The following NXPE4 variants were observed in gnomAD, a reference collection of about 807,000 sequenced individuals.
NXPE4 encodes neurexophilin and PC-esterase domain family member 4.
A neutral mutation model predicts 33.3 loss-of-function variants in NXPE4; 42 were observed. The ratio of observed to expected loss-of-function variants is 1.26; its 90% CI spans 0.98 to 1.63. The LOEUF is 1.63. Ranked by LOEUF, NXPE4 falls within the 40% of genes most tolerant of loss-of-function variation. The pLI, the probability that NXPE4 is intolerant of heterozygous loss-of-function variation, is 0.00. For synonymous variants in NXPE4, 253 were observed against 234.9 expected, an observed-to-expected ratio of 1.08 and a Z score of -0.71; for missense variants, 709 against 647.6, an observed-to-expected ratio of 1.09 and a Z score of -1.03.
chr11:114,633,299 G>T, the NXPE4 span, among the ~76,000 whole-genome samples: 1 of 136,532 alleles, frequency 7.3e-6, no homozygotes. Flanking sequence ...AAATTCTAAT[G>T]TAATAAAATA....
At chr11:114,624,661 C>A in the NXPE4 span, among the ~76,000 whole-genome samples, 1 of 151,934 alleles carries the variant, frequency 6.6e-6, no homozygotes, top group African/African-American at 2.4e-5. Context: ...TTGTGGGTAA[C>A]CATGGTTACC....
At chr11:114,648,318 C>G in the NXPE4 span, among the ~76,000 whole-genome samples, 20 of 152,038 alleles carry the variant, frequency 1.3e-4, no homozygotes, top group African/African-American at 4.8e-4. Flanking sequence ...GTTGAAGGTC[C>G]AGGAAGAGCC....
chr11:114,638,778 G>A, the NXPE4 span, among the ~76,000 whole-genome samples: 8 of 151,910 alleles, frequency 5.3e-5, no homozygotes, highest in South Asian at 2.1e-4. Flanking sequence ...GCAGAACAGC[G>A]GATTTTCGTG....
the NXPE4 span, among the ~76,000 whole-genome samples, chr11:114,631,106 G>A: frequency 6.6e-6 from 1 of 152,104 alleles, no homozygotes; most frequent in South Asian, 2.1e-4. Flanking sequence ...CATTGTGGAA[G>A]TCAGTGTGGC....
the NXPE4 span, among the ~76,000 whole-genome samples, chr11:114,665,243 T>G: frequency 6.6e-6 from 1 of 152,190 alleles, no homozygotes; most frequent in African/African-American, 2.4e-5. Context: ...TTCTAGTCTC[T>G]AAAATATTCT....
chr11:114,582,178 C>G (rs1429428359), intron 3 of NXPE4, 110 bp downstream of exon 3: 1 of 1,178,684 alleles, frequency 8.5e-7, no homozygotes, highest in South Asian at 1.7e-5. Flanking sequence ...CCCAAAGGCT[C>G]TTACTAAAGA....
At chr11:114,617,647 T>C in the NXPE4 span, among the ~76,000 whole-genome samples, 233 of 152,220 alleles carry the variant, frequency 1.5e-3, no homozygotes, top group African/African-American at 5.2e-3. Context: ...GGATAATAAG[T>C]GTTGCCTCTA....
At chr11:114,644,726 C>T in the NXPE4 span, among the ~76,000 whole-genome samples, 4 of 151,700 alleles carry the variant, frequency 2.6e-5, no homozygotes, top group South Asian at 6.2e-4. Context: ...TCTCTATAAG[C>T]TGATTCTAAA....
At chr11:114,651,791 C>A in the NXPE4 span, among the ~76,000 whole-genome samples, 6 of 152,170 alleles carry the variant, frequency 3.9e-5, no homozygotes, top group African/African-American at 1.4e-4. Context: ...AAACCTTTAG[C>A]TAGACACAGA....
chr11:114,582,147 A>G, intron 3 of NXPE4, 141 bp downstream of exon 3: 3 of 881,004 alleles, frequency 3.4e-6, no homozygotes, highest in Non-Finnish European at 5.1e-6. Context: ...ACTGTCTCTA[A>G]ATGAATTCAC....
chr11:114,627,784 G>T, the NXPE4 span, among the ~76,000 whole-genome samples: 5 of 151,932 alleles, frequency 3.3e-5, no homozygotes, highest in African/African-American at 1.2e-4. Context: ...CATCTCACAG[G>T]CAGAGACACA....
the NXPE4 span, among the ~76,000 whole-genome samples, chr11:114,631,236 C>A: frequency 6.6e-6 from 1 of 151,410 alleles, no homozygotes; most frequent in Non-Finnish European, 1.5e-5. Flanking sequence ...ATGTTTATTG[C>A]GGCATTATTC....
the NXPE4 span, among the ~76,000 whole-genome samples, chr11:114,621,774 T>C: frequency 6.6e-6 from 1 of 152,162 alleles, no homozygotes; most frequent in Non-Finnish European, 1.5e-5. Context: ...GCCTCATGGG[T>C]AACCACTGTT....
At position 114,571,261 on chromosome 11, in the gene NXPE4, G is replaced by C. The variant is rs1948877294; in HGVS notation, c.1312C>G (p.His438Asp). ...ACATCAATGGGAAAGGGTCTGAAAT[G>C]CTGGCCCAGGGAAATAACAATGACA... ...NTVIVISLGQ[H>D]FRPFPIDVFI... Residue 438 changes from histidine to aspartate, a missense_variant, in exon 6 of 6, where the codon CAT becomes GAT. By Grantham distance (81) the His-to-Asp change is moderately conservative (BLOSUM62 -1). Transcript: ENST00000375478. The C allele has an allele frequency of 6.2e-7, 1 of 1,613,898 alleles. No individual in the cohort carries two copies. The highest frequency in any genetic ancestry group is 8.5e-7 in the Non-Finnish European group (1 of 1,179,944).
At chr11:114,636,348 C>T in the NXPE4 span, among the ~76,000 whole-genome samples, 1 of 151,764 alleles carries the variant, frequency 6.6e-6, no homozygotes, top group Admixed American at 6.6e-5. Flanking sequence ...TTTGATTCTT[C>T]TCTCTTTTTT....
the NXPE4 span, among the ~76,000 whole-genome samples, chr11:114,604,021 G>T: frequency 6.6e-6 from 1 of 151,812 alleles, no homozygotes; most frequent in African/African-American, 2.4e-5. Context: ...ACCATTACGT[G>T]GTGGATAACA....
chr11:114,677,020 G>A, the NXPE4 span, among the ~76,000 whole-genome samples: 5 of 151,972 alleles, frequency 3.3e-5, no homozygotes, highest in East Asian at 7.8e-4. Context: ...CACAGAACAC[G>A]GAAAGATAAC....
the NXPE4 span, among the ~76,000 whole-genome samples, chr11:114,630,994 G>A: frequency 6.6e-6 from 1 of 150,934 alleles, no homozygotes; most frequent in Non-Finnish European, 1.5e-5. Context: ...ACACCAGTTA[G>A]AATGGCAATC....
chr11:114,597,666 G>A (rs759661408), upstream of NXPE4, among the ~76,000 whole-genome samples: 3 of 151,998 alleles, frequency 2.0e-5, no homozygotes, highest in Admixed American at 6.6e-5. Flanking sequence ...GAAGTGGCTG[G>A]TTGATTCCAT....
Sources: gnomAD v4.1 joint callset for allele counts (sites outside exome capture counted in the v4.1 genomes callset) on GRCh38, gnomAD v4.1.1 for gene constraint, MANE v1.5 for transcripts, NCBI Gene and HGNC (gene_info 2026-07-23, HGNC 2026-07-21) for gene names.